Variants in SLC35E3 observed in about 807,000 individuals in gnomAD.
SLC35E3 encodes solute carrier family 35 member E3.
A neutral mutation model predicts 30.8 loss-of-function variants in SLC35E3; 28 were observed. The ratio of observed to expected loss-of-function variants is 0.91; its 90% CI spans 0.67 to 1.25. SLC35E3 has a LOEUF of 1.25. Among genes scored for constraint, SLC35E3 ranks in the 50% most tolerant of loss-of-function variants. The pLI is 0.00. For missense variants in SLC35E3, 365 were observed against 375.4 expected (o/e 0.97, Z 0.23); for synonymous variants, 146 against 149.2 (o/e 0.98, Z 0.16).
rs1368605355 is a variant in SLC35E3 at position 68,770,032 on chromosome 12, T to C, written c.*5142T>C. On this transcript the variant is annotated 3_prime_UTR_variant, in exon 5 of 5. Coordinates refer to ENST00000398004, the MANE Select transcript of SLC35E3 (RefSeq NM_018656.5). Reference sequence around the variant, plus strand: ...AAGAATCTGGCCCAGGCTTGGCACTTGTGGAGGGAGTCCATGAGGAAAGTT... The same window carrying C: ...AAGAATCTGGCCCAGGCTTGGCACTCGTGGAGGGAGTCCATGAGGAAAGTT... 1.3e-5 allele frequency: 2 copies of C among 152,352 alleles called. No individual in the cohort carries two copies. The highest frequency in any genetic ancestry group is 2.4e-5 in the African/African-American group (1 of 41,582). The allele number at this position is 152,352 out of a possible 1,614,324, so 9.4% of individuals were successfully genotyped here. A position where few individuals can be genotyped will look rare whatever the true frequency, so the allele number is the denominator to read the frequency against.
rs1464178460 is a variant in SLC35E3 at position 68,747,879 on chromosome 12, T to C, written c.403-51T>C. On this transcript the variant is annotated intron_variant, in intron 1 of 4. Coordinates refer to ENST00000398004, the MANE Select transcript of SLC35E3 (RefSeq NM_018656.5). ...AGACATTGTGAAAGGAATACTAAAT[T>C]TTTGTCTCTTGAATTTAATCTGAAC... 1.9e-5 allele frequency: 18 copies of C among 926,990 alleles called. No individual in the cohort carries two copies. In the East Asian group the frequency reaches 4.4e-4, roughly 22 times the overall value. The allele number at this position is 926,990 out of a possible 1,614,324, so 57.4% of individuals were successfully genotyped here. A position where few individuals can be genotyped will look rare whatever the true frequency, so the allele number is the denominator to read the frequency against.
rs948322667 is a variant in SLC35E3 at position 68,780,704 on chromosome 12, C to G, written c.*15814C>G. 16 of 152,334 alleles carry G rather than the reference C, an allele frequency of 1.1e-4. No homozygotes were observed. Among genetic ancestry groups the G allele is most frequent in the African/African-American group, 3.6e-4 (15 of 41,438 alleles). The allele number at this position is 152,334 out of a possible 1,614,324, so 9.4% of individuals were successfully genotyped here. On this transcript the variant is annotated 3_prime_UTR_variant, in exon 5 of 5. Coordinates refer to ENST00000398004, the MANE Select transcript of SLC35E3 (RefSeq NM_018656.5). ...GCTTCTCCATGATGGTCAGGCTGGT[C>G]TCGAACTCCTGACCTCAGGTGATCT...
rs751775347 is a variant in SLC35E3 at position 68,759,225 on chromosome 12, C to G, written c.741C>G (p.Asn247Lys). The G allele has an allele frequency of 6.2e-7, 1 of 1,612,376 alleles. No homozygotes were observed. The highest frequency in any genetic ancestry group is 1.7e-5 in the Admixed American group (1 of 59,980). Reference sequence around the variant, plus strand: ...TATCAATTTATTGGATCATTGGGAACACTTCACCTGTCACGTATCCTTTTC... The same window carrying G: ...TATCAATTTATTGGATCATTGGGAAGACTTCACCTGTCACGTATCCTTTTC... ...VNLSIYWIIG[N>K]TSPVTYNMFG... Residue 247 changes from asparagine to lysine, a missense_variant, in exon 4 of 5, where the codon AAC becomes AAG. By Grantham distance (94) the Asn-to-Lys change is moderately conservative. Transcript: ENST00000398004.
At chr12:68,757,652 A>C (rs1264357341) in intron 3 of SLC35E3, among the ~76,000 whole-genome samples, 1 of 152,260 alleles carries the variant, frequency 6.6e-6, no homozygotes, top group African/African-American at 2.4e-5. Context: ...ATGTAAGTGT[A>C]AGCAGTGATC....
At position 68,765,117 on chromosome 12, in the gene SLC35E3, G is replaced by A. The variant is rs559044216; in HGVS notation, c.*227G>A. Reference sequence around the variant, plus strand: ...ACTAATAATACAAAATTAGCCAGGCGTGGTGGCGCATGCCTGTAATCCCAG... The same window carrying A: ...ACTAATAATACAAAATTAGCCAGGCATGGTGGCGCATGCCTGTAATCCCAG... On this transcript the variant is annotated 3_prime_UTR_variant, in exon 5 of 5. Coordinates refer to ENST00000398004, the MANE Select transcript of SLC35E3 (RefSeq NM_018656.5). 76 of 312,182 alleles carry A rather than the reference G, an allele frequency of 2.4e-4. No homozygotes were observed. Among genetic ancestry groups the A allele is most frequent in the African/African-American group, 7.1e-4 (33 of 46,568 alleles). 19.3% of individuals were successfully genotyped at this position (312,182 alleles called of 1,614,324 possible).
In SLC35E3 at chr12:68,777,209, G is replaced by C. The variant is rs763724226; in HGVS notation, c.*12319G>C. 8 of 152,204 alleles carry C rather than the reference G, an allele frequency of 5.3e-5. No homozygotes were observed. The highest frequency in any genetic ancestry group is 7.2e-5 in the African/African-American group (3 of 41,460). 9.4% of individuals were successfully genotyped at this position (152,204 alleles called of 1,614,324 possible). ...AGACAGCTGCATCAGAGGCCTCCCA[G>C]TGCCATAGGACCATGGACATTGGTG... On this transcript the variant is annotated 3_prime_UTR_variant, in exon 5 of 5. Coordinates refer to ENST00000398004, the MANE Select transcript of SLC35E3 (RefSeq NM_018656.5).
At chr12:68,757,850 G>A (rs1879080554) in intron 3 of SLC35E3, among the ~76,000 whole-genome samples, 1 of 152,090 alleles carries the variant, frequency 6.6e-6, no homozygotes, top group African/African-American at 2.4e-5. Context: ...CACTTTGGGA[G>A]GCCAAGGGGT....
chr12:68,759,892 A>G (rs1324992997), intron 4 of SLC35E3: 1 of 152,224 alleles, frequency 6.6e-6, no homozygotes, highest in East Asian at 1.9e-4. Context: ...GGATTTTCAA[A>G]CAATTTTCAG....
At chr12:68,751,925 C>G in intron 2 of SLC35E3, 107 bp from the exon 3 acceptor site, 1 of 1,057,924 alleles carries the variant, frequency 9.5e-7, no homozygotes, top group South Asian at 1.8e-5. Flanking sequence ...TTTATCTTCC[C>G]CTAGTCTATA....
chr12:68,758,187 C>T (rs903991550), intron 3 of SLC35E3, among the ~76,000 whole-genome samples: 5 of 150,136 alleles, frequency 3.3e-5, no homozygotes, highest in African/African-American at 7.4e-5. Flanking sequence ...TTTGGGAGGC[C>T]GAGGTGGGTG....
intron 2 of SLC35E3, among the ~76,000 whole-genome samples, chr12:68,751,726 T>C (rs1878801442): frequency 6.6e-6 from 1 of 152,236 alleles, no homozygotes; most frequent in African/African-American, 2.4e-5. Context: ...TAGGCCCTTA[T>C]ATGCATTTAT....
rs1879810542 is a variant in SLC35E3 at position 68,778,839 on chromosome 12, TCA to T, written c.*13951_*13952del. On this transcript the variant is annotated 3_prime_UTR_variant, in exon 5 of 5. Coordinates refer to ENST00000398004, the MANE Select transcript of SLC35E3 (RefSeq NM_018656.5). ...GAGTCTTATGGCTGGATGCAGTGGC[TCA>T]CGCCTGTAATCCCAGCACTTTGGGA... 6.6e-6 allele frequency: 1 copy of T among 151,256 alleles called. No homozygotes were observed. Among genetic ancestry groups the T allele is most frequent in the African/African-American group, 2.4e-5 (1 of 41,138 alleles). 9.4% of individuals were successfully genotyped at this position (151,256 alleles called of 1,614,324 possible). A position where few individuals can be genotyped will look rare whatever the true frequency, so the allele number is the denominator to read the frequency against.
In SLC35E3 at chr12:68,746,531, G is replaced by C; in HGVS notation, c.154G>C (p.Val52Leu). 6.2e-7 allele frequency: 1 copy of C among 1,614,244 alleles called. No individual in the cohort carries two copies. The highest frequency in any genetic ancestry group is 2.2e-5 in the East Asian group (1 of 44,886). The change falls in exon 1 of 5, where the codon GTG becomes CTG. Residue 52 changes from valine (V) to leucine (L), a missense_variant. Physicochemically the swap from Val to Leu is conservative, Grantham distance 32 (BLOSUM62 1). Coordinates refer to ENST00000398004, the MANE Select transcript of SLC35E3 (RefSeq NM_018656.5). ...CATGAGCCTGACCCTGGTGCACTTC[G>C]TGGTCACCTGGCTGGGCTTGTATAT... Reference protein sequence around the residue: ...PNMSLTLVHFVVTWLGLYICQ... With the variant: ...PNMSLTLVHFLVTWLGLYICQ...
At chr12:68,760,644 C>T (rs1409707864) in intron 4 of SLC35E3, among the ~76,000 whole-genome samples, 1 of 152,104 alleles carries the variant, frequency 6.6e-6, no homozygotes, top group African/African-American at 2.4e-5. Flanking sequence ...CAAATATGTG[C>T]TCTGATTTAA....
chr12:68,759,022 C>T, intron 3 of SLC35E3, 135 bp from the exon 4 acceptor site: 1 of 690,588 alleles, frequency 1.4e-6, no homozygotes, highest in Non-Finnish European at 2.4e-6. Context: ...AGCCACCGCG[C>T]CCGGCCCTCT....
intron 3 of SLC35E3, among the ~76,000 whole-genome samples, chr12:68,756,238 G>C (rs1181492789): frequency 1.3e-5 from 2 of 148,672 alleles, no homozygotes; most frequent in Non-Finnish European, 1.5e-5. Flanking sequence ...ACTACAAGGA[G>C]AGAGGATTTT....
rs568759293 is a variant in SLC35E3 at position 68,748,048 on chromosome 12, AT to A, written c.513+17del. 1.6e-4 allele frequency: 245 copies of A among 1,518,656 alleles called. 1 individual carries two copies. The African/African-American group carries it at 1.9e-3, about 12-fold the overall frequency. 94.1% of individuals were successfully genotyped at this position (1,518,656 alleles called of 1,614,324 possible). On this transcript the variant is annotated intron_variant, in intron 2 of 4. Coordinates refer to ENST00000398004, the MANE Select transcript of SLC35E3 (RefSeq NM_018656.5). The stretch of plus-strand genomic sequence containing the variant: ...ACATCCCTTTATCAAGTGGTTGGTA[AT>A]TTTTTTTTCTTTATGTGCCTTTTTA...
chr12:68,754,018 T>G (rs1878911224), intron 3 of SLC35E3, among the ~76,000 whole-genome samples: 1 of 152,076 alleles, frequency 6.6e-6, no homozygotes. Flanking sequence ...AGCTAATTTT[T>G]GTATTTTCAG....
intron 4 of SLC35E3, among the ~76,000 whole-genome samples, chr12:68,762,783 A>G (rs989970759): frequency 6.6e-6 from 1 of 152,258 alleles, no homozygotes; most frequent in African/African-American, 2.4e-5. Flanking sequence ...AACCTTGGGA[A>G]GATCCTCTGT....
Sources: allele counts gnomAD v4.1 joint callset (sites outside exome capture counted in the v4.1 genomes callset), GRCh38; gene constraint gnomAD v4.1.1; transcripts MANE v1.5; gene names NCBI Gene and HGNC (gene_info 2026-07-23, HGNC 2026-07-21).